The following TASP1 variants were observed in gnomAD, a reference collection of about 807,000 sequenced individuals.
TASP1 encodes taspase 1.
A neutral mutation model predicts 56.6 loss-of-function variants in TASP1; 16 were observed. That is an observed-to-expected ratio of 0.28 (90% CI 0.19 to 0.43). The LOEUF (loss-of-function observed/expected upper bound fraction) is 0.43. Ranked by LOEUF, TASP1 falls within the 20% of genes least tolerant of loss-of-function variation. The pLI is 1.00. For missense variants in TASP1, 393 were observed against 511.6 expected, an observed-to-expected ratio of 0.77 and a Z score of 2.24; for synonymous variants, 179 against 184.2, an observed-to-expected ratio of 0.97 and a Z score of 0.23.
At chr20:13,568,783 A>G (rs111920064) in intron 7 of TASP1, among the ~76,000 whole-genome samples, 1,524 of 152,294 alleles carry the variant, frequency 0.01, 23 homozygotes, top group African/African-American at 0.034. Flanking sequence ...TGTACTACTT[A>G]GTTGTCCTCT....
the TASP1 span, among the ~76,000 whole-genome samples, chr20:13,155,638 A>G: frequency 6.6e-6 from 1 of 152,162 alleles, no homozygotes; most frequent in South Asian, 2.1e-4. Flanking sequence ...CATCCTGGCC[A>G]ACATGGTGAA....
At chr20:13,167,011 T>C in the TASP1 span, 1 of 152,180 alleles carries the variant, frequency 6.6e-6, no homozygotes, top group African/African-American at 2.4e-5. Flanking sequence ...CAAAAGGACC[T>C]GTTTCTGTTA....
chr20:13,281,095 A>G, the TASP1 span, among the ~76,000 whole-genome samples: 6 of 152,244 alleles, frequency 3.9e-5, no homozygotes, highest in Non-Finnish European at 7.3e-5. Flanking sequence ...AAAGAACAAG[A>G]CAAAAATATT....
chr20:13,520,831 C>A (rs1364449513), intron 10 of TASP1, among the ~76,000 whole-genome samples: 2 of 152,156 alleles, frequency 1.3e-5, no homozygotes, highest in Non-Finnish European at 2.9e-5. Flanking sequence ...TCAGAGTGAA[C>A]AGGCAACCTA....
At chr20:13,125,650 G>A in the TASP1 span, among the ~76,000 whole-genome samples, 1 of 152,162 alleles carries the variant, frequency 6.6e-6, no homozygotes, top group Non-Finnish European at 1.5e-5. Flanking sequence ...CTTGGCCTGG[G>A]GTAGCTTCAG....
chr20:13,469,933 C>T (rs765775807), intron 11 of TASP1, among the ~76,000 whole-genome samples: 6 of 148,722 alleles, frequency 4.0e-5, no homozygotes, highest in East Asian at 4.0e-4. Flanking sequence ...CTCAGCCTCC[C>T]GAGTAGCAGG....
chr20:13,392,711 A>T, intron 13 of TASP1: 1 of 558,272 alleles, frequency 1.8e-6, no homozygotes, highest in Non-Finnish European at 3.5e-6. Context: ...AAGATTTGGC[A>T]GTATCGGGCG....
intron 7 of TASP1, among the ~76,000 whole-genome samples, chr20:13,565,358 T>C (rs560142003): frequency 6.6e-6 from 1 of 151,994 alleles, no homozygotes; most frequent in South Asian, 2.1e-4. Flanking sequence ...AAAAAATAGA[T>C]AAAAATTTAA....
the TASP1 span, among the ~76,000 whole-genome samples, chr20:13,344,175 G>C: frequency 2.0e-5 from 3 of 152,066 alleles, no homozygotes; most frequent in African/African-American, 7.2e-5. Flanking sequence ...ATGGGGAGAA[G>C]CATGACCTCT....
At chr20:13,629,306 G>C (rs1245919770) in intron 2 of TASP1, among the ~76,000 whole-genome samples, 2 of 148,198 alleles carry the variant, frequency 1.3e-5, no homozygotes. Flanking sequence ...GGAGGCTGCA[G>C]TGAGCCAAGA....
At chr20:13,285,607 C>T in the TASP1 span, among the ~76,000 whole-genome samples, 1 of 152,226 alleles carries the variant, frequency 6.6e-6, no homozygotes, top group Non-Finnish European at 1.5e-5. Context: ...TATACCTCAG[C>T]TGGCATCCTA....
rs565886595 is a variant in TASP1 at position 13,632,364 on chromosome 20, C to CA, written c.-74-2213dup. On this transcript the variant is annotated intron_variant, in intron 1 of 13. Coordinates refer to ENST00000337743, the MANE Select transcript of TASP1 (RefSeq NM_017714.3). ...TGGGCTACAGAGCAAGACTCCATCT[C>CA]AAAAAAAAAAAAAAAGAAAAAAGAA... Among the ~76,000 whole-genome samples the CA allele has an allele frequency of 1.0e-2, 470 of 47,134 alleles. 6 individuals carry two copies. Among genetic ancestry groups the CA allele is most frequent in the East Asian group, 0.039 (69 of 1,754 alleles). 30.9% of individuals were successfully genotyped at this position (47,134 alleles called of 152,430 possible).
At chr20:13,496,892 A>T (rs1229733193) in intron 10 of TASP1, among the ~76,000 whole-genome samples, 2 of 152,208 alleles carry the variant, frequency 1.3e-5, no homozygotes, top group African/African-American at 4.8e-5. Context: ...CAAAAAAGAT[A>T]AGCCTTTCCT....
chr20:13,200,888 T>G, the TASP1 span, among the ~76,000 whole-genome samples: 1 of 152,342 alleles, frequency 6.6e-6, no homozygotes, highest in East Asian at 1.9e-4. Flanking sequence ...AGGCTTGAAG[T>G]GCTCTATAAA....
intron 11 of TASP1, among the ~76,000 whole-genome samples, chr20:13,451,601 C>T (rs2043620783): frequency 6.6e-6 from 1 of 152,094 alleles, no homozygotes; most frequent in South Asian, 2.1e-4. Flanking sequence ...GCAGCTTCCT[C>T]ACCTCTCTCA....
the TASP1 span, among the ~76,000 whole-genome samples, chr20:13,321,253 T>TAAAAAAAAAAAAAAAAA: frequency 7.8e-3 from 451 of 57,480 alleles, 17 homozygotes; most frequent in Non-Finnish European, 0.011. Flanking sequence ...GTGCCCCACA[T>TAAAAAAAAAAAAAAAAA]AAAAAAAAAA....
the TASP1 span, among the ~76,000 whole-genome samples, chr20:13,361,023 A>G: frequency 6.6e-6 from 1 of 151,936 alleles, no homozygotes; most frequent in Admixed American, 6.6e-5. Context: ...AGAACCTCTC[A>G]TTTCCTTTCC....
chr20:13,239,968 G>A, the TASP1 span, among the ~76,000 whole-genome samples: 1 of 152,186 alleles, frequency 6.6e-6, no homozygotes, highest in Non-Finnish European at 1.5e-5. Context: ...CATCTAAAGT[G>A]CTGGGATCCT....
At chr20:13,187,609 G>A in the TASP1 span, among the ~76,000 whole-genome samples, 2 of 151,682 alleles carry the variant, frequency 1.3e-5, no homozygotes, top group African/African-American at 4.8e-5. Context: ...TTAGCTGGGC[G>A]TGGTAGCGCA....
Sources: allele counts gnomAD v4.1 joint callset (sites outside exome capture counted in the v4.1 genomes callset), GRCh38; gene constraint gnomAD v4.1.1; transcripts MANE v1.5; gene names NCBI Gene and HGNC (gene_info 2026-07-23, HGNC 2026-07-21).